Variants in USP13 observed in about 807,000 individuals in gnomAD.
The protein encoded by USP13 is ubiquitin specific peptidase 13, also known as ubiquitin carboxyl-terminal hydrolase 13.
USP13 carries 68 observed loss-of-function variants against 107.8 expected under a neutral mutation model. The ratio of observed to expected loss-of-function variants is 0.63; its 90% CI spans 0.52 to 0.77. USP13 has a LOEUF of 0.77. Among genes scored for constraint, USP13 ranks in the 30% least tolerant of loss-of-function variants. The pLI is 0.00. For synonymous variants in USP13, 377 were observed against 389.5 expected (o/e 0.97, Z 0.38); for missense variants, 945 against 1,093.3 (o/e 0.86, Z 1.91).
At chr3:179,657,777 A>G (rs925379033) in intron 1 of USP13, among the ~76,000 whole-genome samples, 1 of 147,504 alleles carries the variant, frequency 6.8e-6, no homozygotes, top group African/African-American at 2.7e-5. Flanking sequence ...AAAAAAAAAA[A>G]AAAAAAAAAG....
At chr3:179,660,646 A>G (rs955629317) in intron 1 of USP13, among the ~76,000 whole-genome samples, 2 of 152,246 alleles carry the variant, frequency 1.3e-5, no homozygotes, top group African/African-American at 4.8e-5. Flanking sequence ...TTACCATTGT[A>G]CTATGCACGT....
At chr3:179,767,435 T>G (rs375765351) in intron 19 of USP13, among the ~76,000 whole-genome samples, 9 of 151,740 alleles carry the variant, frequency 5.9e-5, no homozygotes, top group African/African-American at 1.9e-4. Flanking sequence ...TTGGTTTTTT[T>G]TTTTTTTGAG....
intron 3 of USP13, among the ~76,000 whole-genome samples, chr3:179,697,901 G>A (rs1297978309): frequency 6.6e-6 from 1 of 152,222 alleles, no homozygotes; most frequent in Non-Finnish European, 1.5e-5. Context: ...TAAACTAAGT[G>A]TAAAGAAGCA....
At chr3:179,709,124 A>G (rs1398987120) in intron 6 of USP13, among the ~76,000 whole-genome samples, 167 bp downstream of exon 6, 2 of 152,116 alleles carry the variant, frequency 1.3e-5, no homozygotes, top group Non-Finnish European at 2.9e-5. Context: ...AAGTTTTCTA[A>G]TCTCCCTAAG....
chr3:179,756,349 G>A (rs1714794484), intron 15 of USP13, among the ~76,000 whole-genome samples: 1 of 152,092 alleles, frequency 6.6e-6, no homozygotes, highest in African/African-American at 2.4e-5. Flanking sequence ...CTTGAACCAG[G>A]GAGTCGAGCC....
chr3:179,658,864 C>A (rs1051392162), intron 1 of USP13, among the ~76,000 whole-genome samples: 2 of 152,146 alleles, frequency 1.3e-5, no homozygotes, highest in Non-Finnish European at 2.9e-5. Context: ...ACAAGCTGAG[C>A]AGGACCAGCA....
rs530075110 is a variant in USP13 at position 179,725,165 on chromosome 3, T to C, written c.1088+3576T>C. Among the ~76,000 whole-genome samples, 4 of 152,322 alleles carry C rather than the reference T, an allele frequency of 2.6e-5. No individual in the cohort carries two copies. In the East Asian group the frequency reaches 7.7e-4, roughly 29 times the overall value. Reference sequence around the variant, plus strand: ...AGGCAGAGGTTGCAGTGAGCCCAGATTGTGCCACTGTACTCCATCCTGGGC... The same window carrying C: ...AGGCAGAGGTTGCAGTGAGCCCAGACTGTGCCACTGTACTCCATCCTGGGC... On this transcript the variant is annotated intron_variant, in intron 8 of 20. Transcript: ENST00000263966.
chr3:179,681,588 A>G (rs73052601), intron 1 of USP13, among the ~76,000 whole-genome samples: 12,985 of 151,758 alleles, frequency 0.086, 856 homozygotes, highest in African/African-American at 0.17. Flanking sequence ...ATATCTTATC[A>G]GTAGGTACAT....
intron 19 of USP13, among the ~76,000 whole-genome samples, chr3:179,779,879 G>T (rs1441895815): frequency 6.6e-6 from 1 of 152,152 alleles, no homozygotes; most frequent in African/African-American, 2.4e-5. Context: ...TGGATGAGGG[G>T]CTACAAGTGG....
chr3:179,693,141 T>C (rs1335911158), intron 3 of USP13, among the ~76,000 whole-genome samples: 2 of 152,144 alleles, frequency 1.3e-5, no homozygotes, highest in East Asian at 1.9e-4. Flanking sequence ...GTCATCCCAG[T>C]AGGAGTTCTT....
intron 3 of USP13, among the ~76,000 whole-genome samples, chr3:179,697,638 C>T (rs561926233): frequency 2.0e-4 from 31 of 152,082 alleles, no homozygotes; most frequent in Admixed American, 3.9e-4. Context: ...AGTTGGGGGT[C>T]CCTAGGGTAT....
At chr3:179,665,893 T>A (rs907763397) in intron 1 of USP13, among the ~76,000 whole-genome samples, 6 of 152,230 alleles carry the variant, frequency 3.9e-5, no homozygotes, top group Non-Finnish European at 7.3e-5. Flanking sequence ...GCTGGATATT[T>A]AAACTTTAAA....
rs1713695691 is a variant in USP13 at position 179,729,063 on chromosome 3, G to A, written c.1089-1126G>A. ...AACACTTGTTAAAGATGATAAGGCAGACTTTATTCAAGGGGGTCCATGGCC... is the reference window on the plus strand; with the variant it reads ...AACACTTGTTAAAGATGATAAGGCAAACTTTATTCAAGGGGGTCCATGGCC... On this transcript the variant is annotated intron_variant, in intron 8 of 20. Transcript: ENST00000263966. Among the ~76,000 whole-genome samples the A allele has an allele frequency of 2.0e-5, 3 of 152,140 alleles. No individual in the cohort carries two copies. In the South Asian group the frequency reaches 6.2e-4, roughly 32 times the overall value.
At chr3:179,692,119 G>A (rs1190966136) in intron 3 of USP13, among the ~76,000 whole-genome samples, 1 of 152,174 alleles carries the variant, frequency 6.6e-6, no homozygotes, top group African/African-American at 2.4e-5. Flanking sequence ...ACATACACAT[G>A]TGTACATATA....
chr3:179,741,875 C>G (rs1279960141), intron 11 of USP13, among the ~76,000 whole-genome samples: 3 of 152,066 alleles, frequency 2.0e-5, no homozygotes, highest in Non-Finnish European at 2.9e-5. Context: ...CCAGGGCAGC[C>G]CTTTATTTTT....
chr3:179,760,978 A>G lies in USP13; in HGVS notation c.1949-134A>G, dbSNP rs943312620. On this transcript the variant is annotated intron_variant, in intron 16 of 20. Coordinates refer to ENST00000263966, the MANE Select transcript of USP13 (RefSeq NM_003940.3). ...GTGTGGCTTAAAACAAAACTAAACA[A>G]AGTAAAACCATTATCTACACCCAAC... 4 of 1,149,176 alleles carry G rather than the reference A, an allele frequency of 3.5e-6. No individual in the cohort carries two copies. The African/African-American group carries it at 6.2e-5, about 18-fold the overall frequency. The allele number at this position is 1,149,176 out of a possible 1,614,324, so 71.2% of individuals were successfully genotyped here.
chr3:179,660,351 G>A (rs571248086), intron 1 of USP13, among the ~76,000 whole-genome samples: 2 of 152,228 alleles, frequency 1.3e-5, no homozygotes, highest in South Asian at 2.1e-4. Context: ...CTTATTCTAG[G>A]CACTTTATAT....
rs1478987532 is a variant in USP13, at chr3:179,785,471, C to G, written c.*1330C>G. ...TGATGAAAAGTGGAATGATAGCATT[C>G]TATAATTTCCATAATTTTCCTACTG... On this transcript the variant is annotated 3_prime_UTR_variant, in exon 21 of 21. Coordinates refer to ENST00000263966, the MANE Select transcript of USP13 (RefSeq NM_003940.3). The G allele has an allele frequency of 1.3e-5, 2 of 152,182 alleles. No individual in the cohort carries two copies. The highest frequency in any genetic ancestry group is 4.8e-5 in the African/African-American group (2 of 41,450). 9.4% of individuals were successfully genotyped at this position (152,182 alleles called of 1,614,324 possible).
intron 13 of USP13, among the ~76,000 whole-genome samples, chr3:179,748,407 A>G (rs1333846530): frequency 1.3e-5 from 2 of 152,208 alleles, no homozygotes; most frequent in Non-Finnish European, 2.9e-5. Flanking sequence ...CCAGCAATGT[A>G]GGCTGTGATT....
Sources: allele counts gnomAD v4.1 joint callset (sites outside exome capture counted in the v4.1 genomes callset), GRCh38; gene constraint gnomAD v4.1.1; transcripts MANE v1.5; gene names NCBI Gene and HGNC (gene_info 2026-07-23, HGNC 2026-07-21).